The following FRMD6 variants were observed in gnomAD, a reference collection of about 807,000 sequenced individuals.
FRMD6 encodes the protein FERM domain-containing protein 6.
Under a neutral mutation model 73.2 loss-of-function variants are expected in FRMD6, and 37 were observed. The ratio of observed to expected loss-of-function variants is 0.51; its 90% CI spans 0.39 to 0.66. The LOEUF is 0.66. Ranked by LOEUF, FRMD6 falls within the 30% of genes least tolerant of loss-of-function variation. The probability of loss-of-function intolerance (pLI) is 0.00; values close to 1 mark genes in which losing one functional copy is unlikely to be tolerated. For synonymous variants in FRMD6, 273 were observed against 282.2 expected (o/e 0.97, Z 0.33); for missense variants, 714 against 780.5 (o/e 0.91, Z 1.02).
At chr14:51,430,268 C>T in the FRMD6 span, among the ~76,000 whole-genome samples, 1 of 152,156 alleles carries the variant, frequency 6.6e-6, no homozygotes, top group Non-Finnish European at 1.5e-5. Flanking sequence ...CGTTAAAAGC[C>T]GAAAGAAAGA....
chr14:51,593,873 G>A (rs899285247), intron 2 of FRMD6, among the ~76,000 whole-genome samples: 10 of 151,542 alleles, frequency 6.6e-5, no homozygotes, highest in Admixed American at 4.6e-4. Flanking sequence ...ACATATATAT[G>A]TATATATATA....
chr14:51,714,210 A>T (rs1566590095), intron 9 of FRMD6: 1 of 152,162 alleles, frequency 6.6e-6, no homozygotes, highest in African/African-American at 2.4e-5. Flanking sequence ...TGCTTTGAGG[A>T]TTAAATGAGT....
At chr14:51,568,395 A>T (rs1433971528) in intron 1 of FRMD6, among the ~76,000 whole-genome samples, 2 of 152,274 alleles carry the variant, frequency 1.3e-5, no homozygotes, top group Non-Finnish European at 2.9e-5. Context: ...CTTAATCCAG[A>T]AACAGGTGTA....
At chr14:51,439,767 G>A in the FRMD6 span, among the ~76,000 whole-genome samples, 1 of 152,190 alleles carries the variant, frequency 6.6e-6, no homozygotes. Context: ...TAGCTAAGTA[G>A]AAGTCAATTA....
At chr14:51,572,654 A>G (rs546704076) in intron 2 of FRMD6, among the ~76,000 whole-genome samples, 2 of 152,350 alleles carry the variant, frequency 1.3e-5, no homozygotes, top group East Asian at 1.9e-4. Flanking sequence ...TCTGGAATCT[A>G]TACTTCTTTT....
At chr14:51,602,569 T>C (rs557875431) in intron 2 of FRMD6, among the ~76,000 whole-genome samples, 2 of 152,346 alleles carry the variant, frequency 1.3e-5, no homozygotes, top group South Asian at 4.1e-4. Context: ...ATGGCCATGC[T>C]GATTCATTTA....
chr14:51,694,681 C>A (rs1437047550), intron 2 of FRMD6, among the ~76,000 whole-genome samples: 1 of 152,072 alleles, frequency 6.6e-6, no homozygotes, highest in African/African-American at 2.4e-5. Flanking sequence ...CGGAGTGAGA[C>A]CTTGTCTCAA....
chr14:51,636,111 G>A (rs1367463418), intron 2 of FRMD6, among the ~76,000 whole-genome samples: 1 of 152,206 alleles, frequency 6.6e-6, no homozygotes, highest in African/African-American at 2.4e-5. Flanking sequence ...AGTTGCGTCT[G>A]TGTCTTGGGC....
intron 1 of FRMD6, among the ~76,000 whole-genome samples, chr14:51,508,279 A>G (rs932841087): frequency 6.6e-6 from 1 of 152,228 alleles, no homozygotes; most frequent in Non-Finnish European, 1.5e-5. Flanking sequence ...TCATAAATCT[A>G]GAAGGCCCCA....
chr14:51,651,849 C>A (rs2140090925), upstream of FRMD6: 1 of 5,762 alleles, frequency 1.7e-4, no homozygotes, highest in East Asian at 5.6e-3. Flanking sequence ...GGTCGGGAGG[C>A]GTGGGTGGGG....
At chr14:51,437,454 C>T in the FRMD6 span, among the ~76,000 whole-genome samples, 1 of 152,160 alleles carries the variant, frequency 6.6e-6, no homozygotes, top group East Asian at 1.9e-4. Flanking sequence ...AGGCAAGCAC[C>T]ACCACACCCG....
At chr14:51,460,845 A>G in the FRMD6 span, among the ~76,000 whole-genome samples, 2 of 152,246 alleles carry the variant, frequency 1.3e-5, no homozygotes, top group African/African-American at 4.8e-5. Flanking sequence ...TGGTAATAAG[A>G]TAAAGTGATT....
intron 1 of FRMD6, among the ~76,000 whole-genome samples, chr14:51,531,924 C>T (rs1885604445): frequency 6.6e-6 from 1 of 152,186 alleles, no homozygotes; most frequent in African/African-American, 2.4e-5. Context: ...CTTGTATTAG[C>T]ATTTGTATAT....
chr14:51,519,043 C>T (rs180757416), intron 1 of FRMD6, among the ~76,000 whole-genome samples: 1 of 152,282 alleles, frequency 6.6e-6, no homozygotes, highest in Non-Finnish European at 1.5e-5. Context: ...TCAAGATGCT[C>T]ACTGTTTCAC....
chr14:51,481,525 A>C, the FRMD6 span, among the ~76,000 whole-genome samples: 34 of 152,312 alleles, frequency 2.2e-4, no homozygotes, highest in African/African-American at 7.5e-4. Flanking sequence ...GTTCAAGATG[A>C]GAGTTAGGTG....
intron 1 of FRMD6, among the ~76,000 whole-genome samples, chr14:51,664,496 T>C (rs188495057): frequency 6.6e-4 from 100 of 152,382 alleles, no homozygotes; most frequent in Middle Eastern, 6.8e-3. Context: ...AGGCCTTTAA[T>C]GCATACGTAT....
At chr14:51,411,958 T>A in the FRMD6 span, among the ~76,000 whole-genome samples, 1 of 152,228 alleles carries the variant, frequency 6.6e-6, no homozygotes, top group Non-Finnish European at 1.5e-5. Context: ...CTTTATTAAA[T>A]ATATCATTGA....
the FRMD6 span, among the ~76,000 whole-genome samples, chr14:51,435,404 A>C: frequency 6.7e-6 from 1 of 149,444 alleles, no homozygotes; most frequent in Non-Finnish European, 1.5e-5. Flanking sequence ...AACATGGCGA[A>C]ATCCCATCTC....
chr14:51,557,520 G>A (rs1887210332), intron 1 of FRMD6, among the ~76,000 whole-genome samples: 1 of 152,108 alleles, frequency 6.6e-6, no homozygotes, highest in African/African-American at 2.4e-5. Flanking sequence ...GGGAGCCAGG[G>A]AGAGGGGTTG....
Sources: allele counts gnomAD v4.1 joint callset (sites outside exome capture counted in the v4.1 genomes callset), GRCh38; gene constraint gnomAD v4.1.1; transcripts MANE v1.5; gene names NCBI Gene and HGNC (gene_info 2026-07-23, HGNC 2026-07-21).